Variants in ERBB4 observed in about 807,000 individuals in gnomAD.
ERBB4 encodes erb-b2 receptor tyrosine kinase 4, also known as receptor tyrosine-protein kinase erbB-4.
Under a neutral mutation model 158.0 loss-of-function variants are expected in ERBB4, and 42 were observed. The observed-to-expected ratio is 0.27, with a 90% CI of 0.21 to 0.34. The LOEUF is 0.34. ERBB4 is among the 10% of genes least tolerant of loss of function. The probability of loss-of-function intolerance (pLI) is 1.00; values close to 1 mark genes in which losing one functional copy is unlikely to be tolerated. For missense variants in ERBB4, 1,333 were observed against 1,624.1 expected, an observed-to-expected ratio of 0.82 and a Z score of 3.08; for synonymous variants, 583 against 558.7, an observed-to-expected ratio of 1.04 and a Z score of -0.61.
intron 7 of ERBB4, among the ~76,000 whole-genome samples, chr2:211,716,362 CAAAAAAAAAAAAAAAAAAAA>C (rs534486221): frequency 0.18 from 12,677 of 70,260 alleles, 1,176 homozygotes; most frequent in East Asian, 0.46. Flanking sequence ...AACTCTGTCT[CAAAAAAAAAAAAAAAAAAAA>C]AAAAAAAAAA....
In ERBB4 at chr2:212,181,583, C is replaced by G. The variant is rs147767994; in HGVS notation, c.83-56680G>C. Among the ~76,000 whole-genome samples the G allele has an allele frequency of 5.3e-5, 8 of 151,838 alleles. No individual in the cohort carries two copies. In the East Asian group the frequency reaches 1.4e-3, roughly 26 times the overall value. The stretch of plus-strand genomic sequence containing the variant: ...TCAGCTTATATTACAGTCCTGCACT[C>G]ATTCAGCAGAAATCTTCTGCTTTTA... On this transcript the variant is annotated intron_variant, in intron 1 of 27. Coordinates refer to ENST00000342788, the MANE Select transcript of ERBB4 (RefSeq NM_005235.3).
At chr2:211,734,399 T>C (rs1182712895) in intron 5 of ERBB4, among the ~76,000 whole-genome samples, 2 of 152,010 alleles carry the variant, frequency 1.3e-5, no homozygotes, top group Non-Finnish European at 2.9e-5. Context: ...GAAGACTAAT[T>C]TGTCTCTATC....
chr2:211,764,314 T>C (rs1174715582), intron 4 of ERBB4, among the ~76,000 whole-genome samples: 2 of 152,222 alleles, frequency 1.3e-5, no homozygotes, highest in Non-Finnish European at 2.9e-5. Flanking sequence ...TTGCATTCCA[T>C]TGCAAATTAT....
intron 20 of ERBB4, among the ~76,000 whole-genome samples, chr2:211,478,572 T>C (rs367723311): frequency 5.9e-5 from 9 of 152,260 alleles, no homozygotes; most frequent in East Asian, 5.8e-4. Flanking sequence ...AGAGGCAAAA[T>C]AGATTTGATT....
chr2:211,488,171 G>T (rs907994979), intron 20 of ERBB4, among the ~76,000 whole-genome samples: 1 of 151,990 alleles, frequency 6.6e-6, no homozygotes, highest in Non-Finnish European at 1.5e-5. Flanking sequence ...CAATGTGATT[G>T]TTCCTTCCCC....
intron 21 of ERBB4, among the ~76,000 whole-genome samples, chr2:211,429,713 T>G (rs2063709484): frequency 1.3e-5 from 2 of 152,218 alleles, no homozygotes. Flanking sequence ...AATCATGGTA[T>G]TCAGTGAAAG....
chr2:212,221,697 T>C (rs924678144), intron 1 of ERBB4, among the ~76,000 whole-genome samples: 2 of 151,514 alleles, frequency 1.3e-5, no homozygotes, highest in Non-Finnish European at 3.0e-5. Context: ...TTTGAAAATC[T>C]TATCCTAAAT....
At chr2:211,501,962 T>C (rs1276324372) in intron 20 of ERBB4, among the ~76,000 whole-genome samples, 2 of 152,228 alleles carry the variant, frequency 1.3e-5, no homozygotes, top group African/African-American at 4.8e-5. Context: ...TCCATATACT[T>C]TTCCCCTACC....
intron 1 of ERBB4, among the ~76,000 whole-genome samples, chr2:212,319,492 T>C (rs1448042938): frequency 1.3e-5 from 2 of 150,582 alleles, no homozygotes; most frequent in Admixed American, 1.3e-4. Flanking sequence ...GTCAGTTTAA[T>C]ATGTAACCTT....
chr2:212,312,364 A>T (rs2106240849), intron 1 of ERBB4, among the ~76,000 whole-genome samples: 1 of 151,086 alleles, frequency 6.6e-6, no homozygotes, highest in East Asian at 2.0e-4. Context: ...TAAAATTTTC[A>T]AGACTCATTG....
intron 20 of ERBB4, among the ~76,000 whole-genome samples, chr2:211,460,503 G>A (rs4597456): frequency 0.57 from 86,243 of 152,002 alleles, 25,502 homozygotes; most frequent in East Asian, 0.74. Context: ...GGGGTAGATG[G>A]TGGAAGTTGA....
At chr2:212,123,794 C>T (rs898953823) in intron 2 of ERBB4, among the ~76,000 whole-genome samples, 3 of 152,120 alleles carry the variant, frequency 2.0e-5, no homozygotes, top group Admixed American at 1.3e-4. Context: ...GAATTATTAA[C>T]ATTATCATAG....
chr2:211,716,815 AT>A, intron 7 of ERBB4, among the ~76,000 whole-genome samples: 1 of 152,304 alleles, frequency 6.6e-6, no homozygotes, highest in South Asian at 2.1e-4. Context: ...AGAGATTTAA[AT>A]TTTTTCATAG....
At chr2:211,428,938 C>T (rs1056843589) in intron 21 of ERBB4, among the ~76,000 whole-genome samples, 1 of 151,860 alleles carries the variant, frequency 6.6e-6, no homozygotes, top group African/African-American at 2.4e-5. Flanking sequence ...CCTAGAACTC[C>T]TGAGCTCAAG....
chr2:211,762,679 TGG>T (rs1301346433), intron 4 of ERBB4, among the ~76,000 whole-genome samples: 11 of 152,094 alleles, frequency 7.2e-5, no homozygotes, highest in African/African-American at 2.4e-4. Context: ...ACTTTGTGAG[TGG>T]TGTCACATTT....
chr2:211,975,581 T>C (rs2081583796), intron 2 of ERBB4, among the ~76,000 whole-genome samples: 1 of 152,204 alleles, frequency 6.6e-6, no homozygotes, highest in African/African-American at 2.4e-5. Flanking sequence ...CTCGGCGAAC[T>C]TAGTTCATAT....
At chr2:212,432,553 C>G (rs1479655081) in intron 1 of ERBB4, among the ~76,000 whole-genome samples, 1 of 151,932 alleles carries the variant, frequency 6.6e-6, no homozygotes, top group African/African-American at 2.4e-5. Context: ...GTAAATATAG[C>G]CTTAAATTTT....
chr2:211,453,280 A>G (rs897369502), intron 20 of ERBB4, among the ~76,000 whole-genome samples: 12 of 152,234 alleles, frequency 7.9e-5, no homozygotes, highest in Admixed American at 4.6e-4. Flanking sequence ...AGTTATCTCA[A>G]GTCTTAAGCT....
At chr2:211,597,446 A>G (rs545990630) in intron 19 of ERBB4, among the ~76,000 whole-genome samples, 1 of 152,196 alleles carries the variant, frequency 6.6e-6, no homozygotes, top group Admixed American at 6.5e-5. Flanking sequence ...CTCTTTTTCA[A>G]TCCACACATA....
Sources: allele counts gnomAD v4.1 joint callset (sites outside exome capture counted in the v4.1 genomes callset), GRCh38; gene constraint gnomAD v4.1.1; transcripts MANE v1.5; gene names NCBI Gene and HGNC (gene_info 2026-07-23, HGNC 2026-07-21).